WWOX: variants seen among roughly 807,000 people sequenced by gnomAD.
The protein encoded by WWOX is WW domain-containing oxidoreductase.
WWOX carries 69 observed loss-of-function variants against 46.2 expected under a neutral mutation model. That is an observed-to-expected ratio of 1.49 (90% CI 1.23 to 1.82). The LOEUF (loss-of-function observed/expected upper bound fraction) is 1.82, where lower values mean the gene tolerates loss of function less well. WWOX is among the 40% of genes most tolerant of loss of function. The probability of loss-of-function intolerance (pLI) is 0.00; values close to 1 mark genes in which losing one functional copy is unlikely to be tolerated. For synonymous variants in WWOX, 359 were observed against 202.6 expected, an observed-to-expected ratio of 1.77 and a Z score of -6.56; for missense variants, 919 against 542.6, an observed-to-expected ratio of 1.69 and a Z score of -6.89.
At chr16:79,145,628 C>G (rs1026519207) in intron 8 of WWOX, among the ~76,000 whole-genome samples, 4 of 151,842 alleles carry the variant, frequency 2.6e-5, no homozygotes, top group Admixed American at 2.6e-4. Context: ...TACAGTAAGA[C>G]AAAAAAAGTC....
chr16:78,725,196 C>G (rs1208288498), intron 8 of WWOX, among the ~76,000 whole-genome samples: 1 of 150,126 alleles, frequency 6.7e-6, no homozygotes, highest in Non-Finnish European at 1.5e-5. Context: ...TTGCCTACTG[C>G]CATGTATGAT....
intron 8 of WWOX, among the ~76,000 whole-genome samples, chr16:78,904,314 C>G (rs933698890): frequency 1.4e-5 from 2 of 144,938 alleles, no homozygotes; most frequent in Non-Finnish European, 3.0e-5. Flanking sequence ...TCTCGGCTCA[C>G]TGCAACCTCT....
intron 8 of WWOX, among the ~76,000 whole-genome samples, chr16:78,990,695 AAAGAAGG>A (rs908051879): frequency 4.6e-5 from 7 of 152,126 alleles, no homozygotes; most frequent in African/African-American, 7.2e-5. Context: ...CACATAGAGG[AAAGAAGG>A]AAGAAGGAAG....
intron 8 of WWOX, among the ~76,000 whole-genome samples, chr16:78,970,688 T>C (rs2046452352): frequency 6.6e-6 from 1 of 152,182 alleles, no homozygotes; most frequent in African/African-American, 2.4e-5. Flanking sequence ...GAGGCCATAA[T>C]TTAAAAAGAT....
chr16:78,188,934 A>G (rs1597329266), intron 5 of WWOX, among the ~76,000 whole-genome samples: 1 of 152,204 alleles, frequency 6.6e-6, no homozygotes, highest in Non-Finnish European at 1.5e-5. Context: ...TTATTGAAGC[A>G]GGGTACAAGG....
At chr16:78,551,624 G>C (rs1463620260) in intron 8 of WWOX, 1 of 152,248 alleles carries the variant, frequency 6.6e-6, no homozygotes, top group Non-Finnish European at 1.5e-5. Flanking sequence ...CTCGGCGGGA[G>C]GCAGGCACCT....
intron 8 of WWOX, among the ~76,000 whole-genome samples, chr16:78,522,187 T>G: frequency 6.6e-6 from 1 of 151,792 alleles, no homozygotes; most frequent in East Asian, 1.9e-4. Flanking sequence ...TGAGATTTAT[T>G]CATCTTTGGT....
intron 8 of WWOX, among the ~76,000 whole-genome samples, chr16:78,981,395 C>A (rs193208717): frequency 2.0e-5 from 3 of 151,894 alleles, no homozygotes; most frequent in African/African-American, 4.8e-5. Context: ...GGGCAGCTGT[C>A]CATGCAGCAC....
intron 8 of WWOX, among the ~76,000 whole-genome samples, chr16:78,505,797 A>G (rs1335697266): frequency 6.6e-6 from 1 of 150,498 alleles, no homozygotes; most frequent in East Asian, 2.0e-4. Flanking sequence ...TGGCCCACAT[A>G]CTACACTTTA....
chr16:78,888,987 C>A (rs930499956), intron 8 of WWOX, among the ~76,000 whole-genome samples: 1 of 152,060 alleles, frequency 6.6e-6, no homozygotes, highest in South Asian at 2.1e-4. Flanking sequence ...CTGGTCAGTC[C>A]TCCTCACCAC....
chr16:78,579,837 G>A (rs1272686259), intron 8 of WWOX, among the ~76,000 whole-genome samples: 6 of 152,166 alleles, frequency 3.9e-5, no homozygotes, highest in Non-Finnish European at 7.4e-5. Context: ...CTTGGGAAAT[G>A]TCTCTTCTTC....
At chr16:78,998,999 T>C (rs2047042946) in intron 8 of WWOX, among the ~76,000 whole-genome samples, 1 of 152,148 alleles carries the variant, frequency 6.6e-6, no homozygotes, top group Non-Finnish European at 1.5e-5. Flanking sequence ...AACAGCGGAA[T>C]ATTCCACCTT....
chr16:78,577,949 G>C (rs1045676688), intron 8 of WWOX, among the ~76,000 whole-genome samples: 1 of 151,942 alleles, frequency 6.6e-6, no homozygotes, highest in African/African-American at 2.4e-5. Flanking sequence ...AGTTTTTCCA[G>C]ATAACCAAGA....
chr16:78,115,786 A>T (rs531699299), intron 4 of WWOX, among the ~76,000 whole-genome samples: 1 of 152,284 alleles, frequency 6.6e-6, no homozygotes, highest in East Asian at 1.9e-4. Flanking sequence ...ATAGGATTTT[A>T]TTCTGATTTT....
intron 8 of WWOX, among the ~76,000 whole-genome samples, chr16:78,731,862 T>TTTTTAGAG (rs34201735): frequency 7.3e-6 from 1 of 137,802 alleles, no homozygotes; most frequent in Non-Finnish European, 1.5e-5. Context: ...TTTTTTTTTT[T>TTTTTAGAG]TGAGAGACAG....
chr16:79,157,257 G>T (rs2050399652), intron 8 of WWOX, among the ~76,000 whole-genome samples: 1 of 152,188 alleles, frequency 6.6e-6, no homozygotes, highest in Admixed American at 6.5e-5. Flanking sequence ...TCAGGAAGTG[G>T]TGGCCTTTAG....
chr16:78,139,498 A>T (rs2033911708), intron 4 of WWOX, among the ~76,000 whole-genome samples: 1 of 152,110 alleles, frequency 6.6e-6, no homozygotes, highest in South Asian at 2.1e-4. Context: ...ACAAAAAATT[A>T]GTTGGGCGTA....
At chr16:78,872,046 T>C (rs1449578375) in intron 8 of WWOX, among the ~76,000 whole-genome samples, 1 of 152,226 alleles carries the variant, frequency 6.6e-6, no homozygotes, top group Non-Finnish European at 1.5e-5. Context: ...GCACAAAATT[T>C]CTGTCAACCC....
intron 5 of WWOX, among the ~76,000 whole-genome samples, chr16:78,239,027 C>T (rs1208621698): frequency 2.0e-5 from 3 of 152,168 alleles, no homozygotes; most frequent in South Asian, 2.1e-4. Flanking sequence ...GTGGACTCCT[C>T]GTACCTGCCT....
Sources: allele counts gnomAD v4.1 joint callset (sites outside exome capture counted in the v4.1 genomes callset), GRCh38; gene constraint gnomAD v4.1.1; transcripts MANE v1.5; gene names NCBI Gene and HGNC (gene_info 2026-07-23, HGNC 2026-07-21).